LSAMP: variants seen among roughly 807,000 people sequenced by gnomAD.
LSAMP encodes limbic system-associated membrane protein.
In LSAMP, 7 loss-of-function variants were observed where a neutral mutation model predicts 38.6. The observed-to-expected ratio is 0.18, with a 90% CI of 0.10 to 0.34. The LOEUF is 0.34. LSAMP is among the 10% of genes least tolerant of loss of function. LSAMP has a pLI of 1.00. For synonymous variants in LSAMP, 154 were observed against 166.8 expected, an observed-to-expected ratio of 0.92 and a Z score of 0.59; for missense variants, 313 against 420.0, an observed-to-expected ratio of 0.75 and a Z score of 2.23.
At chr3:116,390,104 A>G (rs560040192) in intron 1 of LSAMP, among the ~76,000 whole-genome samples, 1 of 150,610 alleles carries the variant, frequency 6.6e-6, no homozygotes, top group African/African-American at 2.5e-5. Flanking sequence ...TGTATCTTCT[A>G]TACTTAAATT....
At chr3:116,316,599 C>T (rs576048048) in intron 1 of LSAMP, among the ~76,000 whole-genome samples, 43 of 151,898 alleles carry the variant, frequency 2.8e-4, no homozygotes, top group Middle Eastern at 3.4e-3. Flanking sequence ...TATGAAACCC[C>T]GTCTCTACTA....
chr3:116,315,190 T>A (rs1028659998), intron 1 of LSAMP, among the ~76,000 whole-genome samples: 10 of 152,198 alleles, frequency 6.6e-5, no homozygotes, highest in Non-Finnish European at 1.3e-4. Context: ...ATATCCCAGT[T>A]TCTATCTATC....
At position 116,208,828 on chromosome 3, in the gene LSAMP, T is replaced by G. The variant is rs6764308; in HGVS notation, c.156-122272A>C. On this transcript the variant is annotated intron_variant, in intron 1 of 6. Transcript: ENST00000490035. ...AGCTGTCAGACAGGGACATTTAAGT[T>G]TGCAGAGTTTACTGCTGTCTTTTTG... Among the ~76,000 whole-genome samples the G allele has an allele frequency of 8.8e-3, 1,334 of 152,088 alleles. 23 individuals are homozygous for G. Among genetic ancestry groups the G allele is most frequent in the African/African-American group, 0.029 (1,198 of 41,492 alleles).
At chr3:116,062,344 A>C (rs935787054) in intron 2 of LSAMP, among the ~76,000 whole-genome samples, 11 of 152,108 alleles carry the variant, frequency 7.2e-5, no homozygotes, top group African/African-American at 2.7e-4. Flanking sequence ...CCCTGTCTCT[A>C]CTGAAGATAC....
intron 1 of LSAMP, among the ~76,000 whole-genome samples, chr3:116,141,382 C>A (rs6438299): frequency 0.83 from 125,752 of 151,670 alleles, 52,461 homozygotes; most frequent in South Asian, 0.9. Context: ...AAAGATGTAC[C>A]TTAGTAGAGA....
At chr3:116,208,185 G>C (rs1451596373) in intron 1 of LSAMP, among the ~76,000 whole-genome samples, 2 of 151,892 alleles carry the variant, frequency 1.3e-5, no homozygotes, top group African/African-American at 4.8e-5. Flanking sequence ...TCTTCCAGTT[G>C]ATCGCATCAG....
chr3:115,894,248 A>G (rs1230725014), intron 3 of LSAMP, among the ~76,000 whole-genome samples: 1 of 151,930 alleles, frequency 6.6e-6, no homozygotes, highest in Non-Finnish European at 1.5e-5. Flanking sequence ...GAGCTTTAAC[A>G]TTTTACTCAC....
At chr3:116,099,963 G>A (rs1249084173) in intron 1 of LSAMP, among the ~76,000 whole-genome samples, 1 of 151,906 alleles carries the variant, frequency 6.6e-6, no homozygotes, top group African/African-American at 2.4e-5. Flanking sequence ...AACATGTCCT[G>A]AGCTGAAACT....
chr3:116,340,263 C>T (rs1468513767), intron 1 of LSAMP, among the ~76,000 whole-genome samples: 1 of 151,984 alleles, frequency 6.6e-6, no homozygotes, highest in African/African-American at 2.4e-5. Context: ...ATGAATGTGC[C>T]TGACATGTTG....
chr3:116,269,754 C>G (rs887676495), intron 1 of LSAMP, among the ~76,000 whole-genome samples: 4 of 152,128 alleles, frequency 2.6e-5, no homozygotes, highest in African/African-American at 7.2e-5. Context: ...GATCACCTTA[C>G]TGAAAGGCAC....
At chr3:116,146,329 AT>A (rs1157564218) in intron 1 of LSAMP, among the ~76,000 whole-genome samples, 2 of 151,920 alleles carry the variant, frequency 1.3e-5, no homozygotes, top group African/African-American at 4.8e-5. Flanking sequence ...TCTTTCAAAG[AT>A]TTCTATTTCG....
rs74765569 is a variant in LSAMP at position 116,413,669 on chromosome 3, G to A, written c.155+31208C>T. The stretch of plus-strand genomic sequence containing the variant: ...TGGTTCCTATGCACATGCAGCAGGC[G>A]GAGAAAGGCCACTCTGCATCAAAGG... On this transcript the variant is annotated intron_variant, in intron 1 of 6. Transcript: ENST00000490035. Among the ~76,000 whole-genome samples the A allele has an allele frequency of 7.2e-3, 1,099 of 152,064 alleles. 11 individuals carry two copies. The highest frequency in any genetic ancestry group is 0.025 in the African/African-American group (1,021 of 41,500).
In LSAMP at chr3:115,894,733, G is replaced by A. The variant is rs147746176; in HGVS notation, c.515-42116C>T. Among the ~76,000 whole-genome samples the A allele has an allele frequency of 4.9e-3, 745 of 152,124 alleles. 9 individuals are homozygous for A. The highest frequency in any genetic ancestry group is 0.017 in the African/African-American group (726 of 41,534). Reference sequence around the variant, plus strand: ...TGCCTGTAATGAAACTGACACGCAGGAAAAATTTAAAATCAATCTTGTGCT... The same window carrying A: ...TGCCTGTAATGAAACTGACACGCAGAAAAAATTTAAAATCAATCTTGTGCT... On this transcript the variant is annotated intron_variant, in intron 3 of 6. Coordinates refer to ENST00000490035, the MANE Select transcript of LSAMP (RefSeq NM_002338.5).
intron 1 of LSAMP, among the ~76,000 whole-genome samples, chr3:116,269,400 A>C (rs1424825449): frequency 6.6e-6 from 1 of 152,110 alleles, no homozygotes; most frequent in East Asian, 1.9e-4. Context: ...CATTTAAGAG[A>C]GTACTCACAG....
At chr3:116,267,089 C>T (rs1453858008) in intron 1 of LSAMP, among the ~76,000 whole-genome samples, 2 of 152,028 alleles carry the variant, frequency 1.3e-5, no homozygotes, top group Non-Finnish European at 2.9e-5. Context: ...ACTAAGATCT[C>T]GTGAAACAGA....
At chr3:115,934,454 G>A (rs980561573) in intron 3 of LSAMP, among the ~76,000 whole-genome samples, 7 of 152,090 alleles carry the variant, frequency 4.6e-5, no homozygotes, top group African/African-American at 1.7e-4. Flanking sequence ...TAGAATTACA[G>A]GTGTGAGCCA....
At chr3:116,007,443 G>A (rs1940195074) in intron 3 of LSAMP, among the ~76,000 whole-genome samples, 1 of 152,118 alleles carries the variant, frequency 6.6e-6, no homozygotes, top group Admixed American at 6.6e-5. Context: ...TCAGTGTACT[G>A]GGAGACTTGC....
At chr3:115,955,881 T>C (rs994024164) in intron 3 of LSAMP, among the ~76,000 whole-genome samples, 2 of 152,154 alleles carry the variant, frequency 1.3e-5, no homozygotes, top group African/African-American at 4.8e-5. Context: ...TTTAAACATT[T>C]GGGCAGATGA....
At chr3:116,084,850 G>A (rs1707952308) in intron 2 of LSAMP, among the ~76,000 whole-genome samples, 1 of 151,850 alleles carries the variant, frequency 6.6e-6, no homozygotes, top group South Asian at 2.1e-4. Context: ...GAGATAATCT[G>A]AATAACTGGT....
Sources: allele counts gnomAD v4.1 joint callset (sites outside exome capture counted in the v4.1 genomes callset), GRCh38; gene constraint gnomAD v4.1.1; transcripts MANE v1.5; gene names NCBI Gene and HGNC (gene_info 2026-07-23, HGNC 2026-07-21).